Variants in BOLL observed in about 807,000 individuals in gnomAD.
BOLL encodes boule RNA binding protein, also known as protein boule-like.
A neutral mutation model predicts 44.4 loss-of-function variants in BOLL; 23 were observed. The ratio of observed to expected loss-of-function variants is 0.52; its 90% confidence interval spans 0.37 to 0.73. The LOEUF is 0.73. Among genes scored for constraint, BOLL ranks in the 30% least tolerant of loss-of-function variants. The pLI, the probability that BOLL is intolerant of heterozygous loss-of-function variation, is 0.00. For missense variants in BOLL, 287 were observed against 338.3 expected (o/e 0.85, Z 1.19); for synonymous variants, 97 against 110.8 (o/e 0.88, Z 0.78).
At chr2:197,737,933 A>G (rs1271392133) in intron 10 of BOLL, among the ~76,000 whole-genome samples, 1 of 152,204 alleles carries the variant, frequency 6.6e-6, no homozygotes, top group African/African-American at 2.4e-5. Context: ...CTTAATAGCC[A>G]TATGTTTTCA....
At chr2:197,759,660 C>T (rs974833722) in intron 7 of BOLL, among the ~76,000 whole-genome samples, 2 of 152,182 alleles carry the variant, frequency 1.3e-5, no homozygotes, top group Non-Finnish European at 2.9e-5. Context: ...TGGTTCTGTA[C>T]AGTAGGGAAA....
At chr2:197,756,375 T>C in intron 9 of BOLL, 53 bp downstream of exon 9, 1 of 1,422,456 alleles carries the variant, frequency 7.0e-7, no homozygotes, top group South Asian at 1.6e-5. Context: ...GAAAAAGAAA[T>C]AAATGTTAAC....
At chr2:197,756,759 T>C (rs1171044514) in intron 8 of BOLL, among the ~76,000 whole-genome samples, 1 of 151,872 alleles carries the variant, frequency 6.6e-6, no homozygotes, top group Admixed American at 6.6e-5. Context: ...AAGAATCTTA[T>C]CATTGGTAAG....
At chr2:197,772,115 AT>A in intron 5 of BOLL, 133 bp from the exon 6 acceptor site, 1 of 707,914 alleles carries the variant, frequency 1.4e-6, no homozygotes, top group Non-Finnish European at 2.0e-6. Context: ...TGTCACAGAT[AT>A]TTTTAAAAAA....
At chr2:197,755,330 G>C (rs1269667040) in intron 9 of BOLL, among the ~76,000 whole-genome samples, 1 of 152,248 alleles carries the variant, frequency 6.6e-6, no homozygotes, top group East Asian at 1.9e-4. Context: ...GTGGAAGACA[G>C]TGTGGTGATT....
chr2:197,734,809 C>T lies in BOLL; in HGVS notation c.829-6231G>A, dbSNP rs191998581. ...GAATATCACACAGAGGGGACTGTTG[C>T]GGGTGGAGCGGGGAGGGATAGCATT... On this transcript the variant is annotated intron_variant, in intron 10 of 10. Coordinates refer to ENST00000392296, the MANE Select transcript of BOLL (RefSeq NM_033030.6). 7.2e-4 allele frequency among the ~76,000 whole-genome samples: 109 copies of T among 151,530 alleles called. 2 individuals are homozygous for T. The highest frequency in any genetic ancestry group is 6.5e-3 in the Admixed American group (98 of 15,176).
chr2:197,734,212 A>G (rs1422650834), intron 10 of BOLL, among the ~76,000 whole-genome samples: 2 of 151,782 alleles, frequency 1.3e-5, no homozygotes, highest in African/African-American at 2.4e-5. Flanking sequence ...ACATGAAAAA[A>G]TGCTCATCAT....
chr2:197,773,937 A>G (rs561458526), intron 5 of BOLL: 2 of 402,756 alleles, frequency 5.0e-6, no homozygotes, highest in African/African-American at 4.3e-5. Context: ...AGATGGAAAG[A>G]AATGACAGAT....
At chr2:197,742,509 T>C (rs536468465) in intron 10 of BOLL, among the ~76,000 whole-genome samples, 21 of 152,296 alleles carry the variant, frequency 1.4e-4, no homozygotes, top group African/African-American at 4.8e-4. Context: ...TTCATGTCCT[T>C]TGTAGGGACA....
Position 197,781,861 on chromosome 2 carries a change from G to A in BOLL, c.-11C>T. 1 of 1,587,064 alleles carries A rather than the reference G, an allele frequency of 6.3e-7. No individual in the cohort carries two copies. Among genetic ancestry groups the A allele is most frequent in the Non-Finnish European group, 8.6e-7 (1 of 1,161,924 alleles). On this transcript the variant is annotated 5_prime_UTR_variant, in exon 2 of 11. Transcript: ENST00000392296. Reference sequence around the variant, plus strand: ...TGAATCTGTTTGCATCTGGTTTGATGTTTGCTGTAAAATAAAATTCTTTTA... The same window carrying A: ...TGAATCTGTTTGCATCTGGTTTGATATTTGCTGTAAAATAAAATTCTTTTA...
At chr2:197,775,643 T>A (rs1241047021) in intron 5 of BOLL, 22 bp downstream of exon 5, 3 of 1,414,814 alleles carry the variant, frequency 2.1e-6, no homozygotes, top group Non-Finnish European at 2.9e-6. Flanking sequence ...TATTTAAAAA[T>A]ACATTAGTTC....
In BOLL at chr2:197,757,356, A is replaced by C. The variant is rs920539460; in HGVS notation, c.597T>G (p.Pro199=). The change falls in exon 8 of 11, where the codon CCT becomes CCG. Residue 199 remains proline, a synonymous_variant. Transcript: ENST00000392296. ...TATATTGAAAGTTAACATTTACCTG[A>C]GGAACACTCCACTGCCACTGTCCTG... ...YLPGQWQWSV[P]QPSASSAPFL... is the part of the protein sequence containing the mutation. 6.2e-7 allele frequency: 1 copy of C among 1,608,558 alleles called. No homozygotes were observed. The highest frequency in any genetic ancestry group is 1.3e-5 in the African/African-American group (1 of 74,754).
At chr2:197,753,080 T>G (rs1688338105) in intron 9 of BOLL, among the ~76,000 whole-genome samples, 1 of 152,110 alleles carries the variant, frequency 6.6e-6, no homozygotes, top group Admixed American at 6.5e-5. Context: ...ATAAATGGTG[T>G]CGAGAAAACT....
intron 10 of BOLL, among the ~76,000 whole-genome samples, chr2:197,729,613 T>C (rs1193877921): frequency 6.6e-6 from 1 of 152,196 alleles, no homozygotes; most frequent in Non-Finnish European, 1.5e-5. Context: ...CAGCTGGAGA[T>C]CTGAGAACGG....
chr2:197,747,259 A>G (rs969875425), intron 9 of BOLL, among the ~76,000 whole-genome samples: 24 of 152,038 alleles, frequency 1.6e-4, no homozygotes, highest in African/African-American at 5.8e-4. Context: ...AGTAAAGCTG[A>G]GGATAAAAAG....
intron 5 of BOLL, chr2:197,774,056 GA>G: frequency 2.2e-6 from 1 of 460,772 alleles, no homozygotes; most frequent in South Asian, 1.6e-5. Flanking sequence ...TCCTGCATTT[GA>G]AGGCTAGTGC....
intron 2 of BOLL, among the ~76,000 whole-genome samples, chr2:197,780,083 T>C (rs1052871381): frequency 6.6e-6 from 1 of 152,152 alleles, no homozygotes; most frequent in East Asian, 1.9e-4. Context: ...ATGAAATCAA[T>C]GCTAGAATAA....
At chr2:197,742,703 T>G (rs1238928813) in intron 10 of BOLL, among the ~76,000 whole-genome samples, 5 of 152,014 alleles carry the variant, frequency 3.3e-5, no homozygotes, top group African/African-American at 1.2e-4. Flanking sequence ...TTAGGAGATA[T>G]GCCTAATGCT....
intron 9 of BOLL, among the ~76,000 whole-genome samples, chr2:197,749,880 A>G (rs1186991006): frequency 6.6e-6 from 1 of 152,060 alleles, no homozygotes; most frequent in South Asian, 2.1e-4. Context: ...TAGAAAATAC[A>G]GAGACCACCA....
Sources: allele counts gnomAD v4.1 joint callset (sites outside exome capture counted in the v4.1 genomes callset), GRCh38; gene constraint gnomAD v4.1.1; transcripts MANE v1.5; gene names NCBI Gene and HGNC (gene_info 2026-07-23, HGNC 2026-07-21).